THSD4: variants seen among roughly 807,000 people sequenced by gnomAD.
The protein encoded by THSD4 is thrombospondin type 1 domain containing 4, also known as thrombospondin type-1 domain-containing protein 4.
THSD4 carries 69 observed loss-of-function variants against 119.0 expected under a neutral mutation model. The ratio of observed to expected loss-of-function variants is 0.58; its 90% CI spans 0.48 to 0.71. THSD4 has a LOEUF of 0.71. THSD4 is among the 30% of genes least tolerant of loss of function. The pLI, the probability that THSD4 is intolerant of heterozygous loss-of-function variation, is 0.00. For synonymous variants in THSD4, 524 were observed against 540.4 expected, an observed-to-expected ratio of 0.97 and a Z score of 0.42; for missense variants, 1,393 against 1,391.1, an observed-to-expected ratio of 1.00 and a Z score of -0.02.
intron 15 of THSD4, among the ~76,000 whole-genome samples, chr15:71,761,045 A>G (rs912494134): frequency 6.6e-6 from 1 of 152,144 alleles, no homozygotes; most frequent in Non-Finnish European, 1.5e-5. Context: ...TAAGAGTTAA[A>G]TTTTAACCAT....
chr15:71,757,089 G>A (rs2053552162), intron 14 of THSD4, among the ~76,000 whole-genome samples: 1 of 152,120 alleles, frequency 6.6e-6, no homozygotes, highest in Non-Finnish European at 1.5e-5. Context: ...AGTCTCCATA[G>A]CCCTGTCAGA....
intron 6 of THSD4, chr15:71,341,760 T>G (rs2045581579): frequency 1.2e-6 from 1 of 834,290 alleles, no homozygotes. Context: ...CTCTCCCTTT[T>G]CTTCCTTTTT....
rs2052978495 is a variant in THSD4, at chr15:71,731,444, T to TC, written c.1630+229dup. 1.3e-5 allele frequency: 7 copies of TC among 535,060 alleles called. No homozygotes were observed. In the East Asian group the frequency reaches 2.3e-4, roughly 17 times the overall value. 33.1% of individuals were successfully genotyped at this position (535,060 alleles called of 1,614,324 possible). ...ACTCGATTCCAAAATGGCATGAGCATCCTGGGTCTGCCCTGCCAGTTCAAC... is the reference window on the plus strand; with the variant it reads ...ACTCGATTCCAAAATGGCATGAGCATCCCTGGGTCTGCCCTGCCAGTTCAAC... On this transcript the variant is annotated intron_variant, in intron 10 of 17. Transcript: ENST00000261862.
chr15:71,268,777 A>G (rs1207081017), intron 6 of THSD4, among the ~76,000 whole-genome samples: 1 of 152,192 alleles, frequency 6.6e-6, no homozygotes, highest in Non-Finnish European at 1.5e-5. Flanking sequence ...AAAATTATAA[A>G]GGGTAGATCA....
At position 71,416,907 on chromosome 15, in the gene THSD4, C is replaced by T. The variant is rs188150191; in HGVS notation, c.1152+5084C>T. Reference sequence around the variant, plus strand: ...CCAAGTAGCTGGGACTACAGGCGCCCGCCACCACACCCAGCTAATTTTTTT... The same window carrying T: ...CCAAGTAGCTGGGACTACAGGCGCCTGCCACCACACCCAGCTAATTTTTTT... On this transcript the variant is annotated intron_variant, in intron 7 of 17. Coordinates refer to ENST00000261862, the MANE Select transcript of THSD4 (RefSeq NM_024817.3). 7.5e-3 allele frequency among the ~76,000 whole-genome samples: 786 copies of T among 104,256 alleles called. 214 individuals carry two copies. The highest frequency in any genetic ancestry group is 0.024 in the African/African-American group (732 of 30,432). The allele number at this position is 104,256 out of a possible 152,430, so 68.4% of individuals were successfully genotyped here.
At chr15:71,349,917 C>T (rs1227483481) in intron 6 of THSD4, among the ~76,000 whole-genome samples, 5 of 151,946 alleles carry the variant, frequency 3.3e-5, no homozygotes, top group East Asian at 1.9e-4. Flanking sequence ...AAGGGAAAGA[C>T]GGGGATGGTC....
intron 6 of THSD4, chr15:71,341,253 C>A (rs754103535): frequency 1.9e-6 from 3 of 1,595,700 alleles, no homozygotes; most frequent in East Asian, 4.5e-5. Flanking sequence ...ACAATCTGTT[C>A]CTTTTCCGTA....
At chr15:71,264,678 A>AG (rs1314211381) in intron 6 of THSD4, among the ~76,000 whole-genome samples, 1 of 152,196 alleles carries the variant, frequency 6.6e-6, no homozygotes, top group African/African-American at 2.4e-5. Context: ...ATGTAGAATA[A>AG]CAAAATGGAT....
At chr15:71,259,366 G>C (rs1171078127) in intron 6 of THSD4, among the ~76,000 whole-genome samples, 2 of 152,128 alleles carry the variant, frequency 1.3e-5, no homozygotes, top group Non-Finnish European at 2.9e-5. Context: ...AATTTCTCTT[G>C]TTTGAAGTCA....
At chr15:71,450,207 TG>T (rs2047242696) in intron 7 of THSD4, among the ~76,000 whole-genome samples, 1 of 152,184 alleles carries the variant, frequency 6.6e-6, no homozygotes, top group South Asian at 2.1e-4. Flanking sequence ...GTGAATTGGG[TG>T]GCTGCGTGTC....
intron 7 of THSD4, among the ~76,000 whole-genome samples, chr15:71,575,702 T>G (rs2140906341): frequency 6.6e-6 from 1 of 152,312 alleles, no homozygotes; most frequent in Non-Finnish European, 1.5e-5. Flanking sequence ...AAAGTGGAGC[T>G]GCTAGTTATA....
chr15:71,232,694 G>A (rs909420385), intron 4 of THSD4, among the ~76,000 whole-genome samples: 8 of 152,308 alleles, frequency 5.3e-5, no homozygotes, highest in South Asian at 2.1e-4. Flanking sequence ...GAAGGGAGAC[G>A]AAGACCGGAG....
chr15:71,311,601 G>A (rs181037687), intron 6 of THSD4, among the ~76,000 whole-genome samples: 1 of 152,228 alleles, frequency 6.6e-6, no homozygotes, highest in Non-Finnish European at 1.5e-5. Context: ...CTTGCCTTCT[G>A]CTTCCACATG....
chr15:71,690,230 T>C (rs531484833), intron 8 of THSD4, among the ~76,000 whole-genome samples: 1 of 152,356 alleles, frequency 6.6e-6, no homozygotes, highest in South Asian at 2.1e-4. Flanking sequence ...CCTTACATTT[T>C]TTAAGATCTT....
chr15:71,263,707 T>G (rs1445076419), intron 6 of THSD4, among the ~76,000 whole-genome samples: 1 of 152,218 alleles, frequency 6.6e-6, no homozygotes, highest in African/African-American at 2.4e-5. Context: ...TTCTTAAAGC[T>G]TCAATTAGAA....
At chr15:71,141,328 T>G (rs1481754003) in intron 1 of THSD4, 121 bp from the exon 2 acceptor site, 2 of 571,868 alleles carry the variant, frequency 3.5e-6, no homozygotes, top group East Asian at 6.0e-5. Flanking sequence ...CTGGGAACCA[T>G]AACTGGGCAC....
intron 4 of THSD4, among the ~76,000 whole-genome samples, chr15:71,218,565 T>C (rs2043952906): frequency 6.6e-6 from 1 of 152,230 alleles, no homozygotes. Flanking sequence ...TATCATGCTC[T>C]TGTGATTTGA....
intron 7 of THSD4, among the ~76,000 whole-genome samples, chr15:71,631,152 C>G (rs2050621141): frequency 6.6e-6 from 1 of 152,190 alleles, no homozygotes; most frequent in African/African-American, 2.4e-5. Flanking sequence ...GAGTCATGGG[C>G]ACACAGTAGG....
chr15:71,396,702 G>A (rs1425237123), intron 6 of THSD4, among the ~76,000 whole-genome samples: 1 of 152,170 alleles, frequency 6.6e-6, no homozygotes, highest in Non-Finnish European at 1.5e-5. Context: ...TGGCCAGACT[G>A]GCTTACTACT....
Sources: gnomAD v4.1 joint callset for allele counts (sites outside exome capture counted in the v4.1 genomes callset) on GRCh38, gnomAD v4.1.1 for gene constraint, MANE v1.5 for transcripts, NCBI Gene and HGNC (gene_info 2026-07-23, HGNC 2026-07-21) for gene names.